The following SLC9D1 variants were observed in gnomAD, a reference collection of about 807,000 sequenced individuals.
The protein encoded by SLC9D1 is putative LAG1-interacting protein.
chr13:113,548,502 T>C, the SLC9D1 span: 1 of 1,562,918 alleles, frequency 6.4e-7, no homozygotes, highest in South Asian at 1.2e-5. Flanking sequence ...CGGGCTGCAC[T>C]CTGGGTTTGA....
the SLC9D1 span, chr13:113,520,704 C>T: frequency 1.9e-6 from 3 of 1,613,770 alleles, no homozygotes; most frequent in African/African-American, 2.7e-5. Context: ...TGCCGACTCT[C>T]ATACAGGCGG....
At chr13:113,531,545 C>T in the SLC9D1 span, among the ~76,000 whole-genome samples, 1 of 151,160 alleles carries the variant, frequency 6.6e-6, no homozygotes, top group South Asian at 2.1e-4. Context: ...AAGAGCAGCA[C>T]ACGCGTGGAC....
the SLC9D1 span, among the ~76,000 whole-genome samples, chr13:113,497,255 GCAGCTATGTGAGAC>G: frequency 2.0e-4 from 30 of 152,222 alleles, no homozygotes; most frequent in East Asian, 5.2e-3. Context: ...CATGAGACCT[GCAGCTATGTGAGAC>G]CAGCTGTGTG....
the SLC9D1 span, among the ~76,000 whole-genome samples, chr13:113,547,939 C>T: frequency 2.2e-5 from 3 of 136,578 alleles, no homozygotes; most frequent in Admixed American, 7.2e-5. Context: ...CTTAGCTGCT[C>T]GGCCCAGAGA....
the SLC9D1 span, among the ~76,000 whole-genome samples, chr13:113,541,566 T>TAC: frequency 2.7e-5 from 3 of 109,328 alleles, no homozygotes; most frequent in East Asian, 2.7e-4. Flanking sequence ...GTGGGTGCCA[T>TAC]GCACACGATT....
At chr13:113,510,543 C>A in the SLC9D1 span, 2 of 897,416 alleles carry the variant, frequency 2.2e-6, no homozygotes, top group African/African-American at 1.7e-5. Context: ...CCTCTTAGGA[C>A]TTTCCTAACC....
chr13:113,534,015 G>A, the SLC9D1 span: 3 of 1,537,054 alleles, frequency 2.0e-6, no homozygotes, highest in Admixed American at 2.1e-5. Flanking sequence ...TGTTTTGGAA[G>A]TGAAATCACG....
At chr13:113,497,554 T>TAGCTGTGTGAGACCTGC in the SLC9D1 span, among the ~76,000 whole-genome samples, 19,539 of 126,700 alleles carry the variant, frequency 0.15, 2,584 homozygotes, top group African/African-American at 0.3. Flanking sequence ...GCGAGACTTG[T>TAGCTGTGTGAGACCTGC]AGCTGTGTGA....
At chr13:113,523,648 A>T in the SLC9D1 span, among the ~76,000 whole-genome samples, 1 of 151,540 alleles carries the variant, frequency 6.6e-6, no homozygotes, top group Non-Finnish European at 1.5e-5. Flanking sequence ...TTCTACCCTC[A>T]CCTTCCTTCT....
chr13:113,534,207 G>A, the SLC9D1 span: 1 of 1,613,878 alleles, frequency 6.2e-7, no homozygotes, highest in East Asian at 2.2e-5. Context: ...TCCTGATCTT[G>A]GGAATATCTG....
the SLC9D1 span, among the ~76,000 whole-genome samples, chr13:113,537,215 A>T: frequency 6.6e-6 from 1 of 152,362 alleles, no homozygotes; most frequent in African/African-American, 2.4e-5. Context: ...TGAAATTCAC[A>T]TAAAATTCGC....
At chr13:113,517,445 G>A in the SLC9D1 span, among the ~76,000 whole-genome samples, 1 of 152,070 alleles carries the variant, frequency 6.6e-6, no homozygotes, top group African/African-American at 2.4e-5. Context: ...AGCCAGGATG[G>A]TCTCGATCTC....
the SLC9D1 span, among the ~76,000 whole-genome samples, chr13:113,500,498 C>A: frequency 2.0e-5 from 3 of 152,178 alleles, no homozygotes; most frequent in African/African-American, 7.2e-5. Flanking sequence ...GCTAAGGAGT[C>A]ATATATGGCT....
chr13:113,498,379 A>G, the SLC9D1 span: 187 of 1,562,732 alleles, frequency 1.2e-4, 1 homozygote, highest in East Asian at 4.3e-3. Context: ...GCAGCAGAAA[A>G]ACATCAAGTT....
the SLC9D1 span, among the ~76,000 whole-genome samples, chr13:113,511,028 G>A: frequency 9.8e-6 from 1 of 102,118 alleles, no homozygotes; most frequent in African/African-American, 5.1e-5. Context: ...CCGTGTCCCT[G>A]TGCGGGGAGG....
At chr13:113,506,434 G>A in the SLC9D1 span, among the ~76,000 whole-genome samples, 2 of 147,280 alleles carry the variant, frequency 1.4e-5, no homozygotes, top group African/African-American at 2.6e-5. Flanking sequence ...CTGGCCTGTG[G>A]AGGAGCCTGT....
At chr13:113,540,271 G>A in the SLC9D1 span, among the ~76,000 whole-genome samples, 1 of 152,166 alleles carries the variant, frequency 6.6e-6, no homozygotes, top group Non-Finnish European at 1.5e-5. Context: ...TGGGATTGCT[G>A]GGTCGAATGG....
At chr13:113,547,489 CTCCTCATCTCGG>C in the SLC9D1 span, 1 of 851,314 alleles carries the variant, frequency 1.2e-6, no homozygotes, top group Non-Finnish European at 1.9e-6. Flanking sequence ...GCCGGCCCTG[CTCCTCATCTCGG>C]AGGAGGCCCA....
At chr13:113,516,662 G>A in the SLC9D1 span, among the ~76,000 whole-genome samples, 135 of 152,174 alleles carry the variant, frequency 8.9e-4, 1 homozygote, top group African/African-American at 3.0e-3. Flanking sequence ...TCTGGCCACA[G>A]CAGCGGCCTC....
Sources: allele counts gnomAD v4.1 joint callset (sites outside exome capture counted in the v4.1 genomes callset), GRCh38; gene constraint gnomAD v4.1.1; transcripts MANE v1.5; gene names NCBI Gene and HGNC (gene_info 2026-07-23, HGNC 2026-07-21).